The following PCED1B variants were observed in gnomAD, a reference collection of about 807,000 sequenced individuals.
The protein encoded by PCED1B is PC-esterase domain containing 1B.
For synonymous variants in PCED1B, 251 were observed against 246.1 expected (o/e 1.02, Z -0.19); for missense variants, 573 against 573.9 (o/e 1.00, Z 0.02).
intron 1 of PCED1B, among the ~76,000 whole-genome samples, chr12:47,083,346 G>A (rs1428242467): frequency 6.6e-6 from 1 of 151,840 alleles, no homozygotes; most frequent in Non-Finnish European, 1.5e-5. Flanking sequence ...TCTTTTTTCG[G>A]CGTGAGGCAC....
intron 2 of PCED1B, among the ~76,000 whole-genome samples, chr12:47,154,946 GTT>G (rs1941143170): frequency 6.6e-6 from 1 of 151,986 alleles, no homozygotes; most frequent in Non-Finnish European, 1.5e-5. Context: ...AGTATTTTTT[GTT>G]TTGTTTTGTT....
chr12:47,212,305 G>C (rs1943117328), intron 2 of PCED1B, among the ~76,000 whole-genome samples: 1 of 152,022 alleles, frequency 6.6e-6, no homozygotes, highest in Non-Finnish European at 1.5e-5. Context: ...AAAAAGGAGA[G>C]AGGACCGGAA....
chr12:47,183,730 C>T (rs973959693), intron 2 of PCED1B, among the ~76,000 whole-genome samples: 5 of 152,202 alleles, frequency 3.3e-5, no homozygotes, highest in Non-Finnish European at 5.9e-5. Context: ...TATTTTTGCT[C>T]AGCCATCTTA....
chr12:47,182,187 G>A (rs535287969), intron 2 of PCED1B, among the ~76,000 whole-genome samples: 2 of 152,278 alleles, frequency 1.3e-5, no homozygotes, highest in South Asian at 4.1e-4. Flanking sequence ...GGGTGCTAGA[G>A]GAACCAAATG....
At chr12:47,082,415 G>A (rs887536205) in intron 1 of PCED1B, among the ~76,000 whole-genome samples, 1 of 152,188 alleles carries the variant, frequency 6.6e-6, no homozygotes, top group Non-Finnish European at 1.5e-5. Flanking sequence ...AGAAAGAGGA[G>A]TCCTGTAAAT....
At chr12:47,188,739 G>C (rs1375200159) in intron 2 of PCED1B, among the ~76,000 whole-genome samples, 1 of 152,230 alleles carries the variant, frequency 6.6e-6, no homozygotes, top group East Asian at 1.9e-4. Flanking sequence ...TGCAGTGCTG[G>C]AGCAGAGGAG....
intron 2 of PCED1B, among the ~76,000 whole-genome samples, chr12:47,193,303 C>T (rs531373085): frequency 6.6e-6 from 1 of 152,280 alleles, no homozygotes; most frequent in Admixed American, 6.5e-5. Context: ...TGACCGTCCC[C>T]ACTTCCTATG....
intron 2 of PCED1B, among the ~76,000 whole-genome samples, chr12:47,201,750 A>C (rs569930506): frequency 1.2e-4 from 19 of 152,192 alleles, no homozygotes; most frequent in African/African-American, 4.3e-4. Context: ...AGGTGTGCAC[A>C]ACCACACAGA....
intron 2 of PCED1B, among the ~76,000 whole-genome samples, chr12:47,132,901 A>G (rs1003080922): frequency 6.6e-6 from 1 of 152,228 alleles, no homozygotes. Context: ...AAAGATTATC[A>G]TTCAAAATAC....
chr12:47,162,606 A>T (rs1941422498), intron 2 of PCED1B, among the ~76,000 whole-genome samples: 1 of 152,180 alleles, frequency 6.6e-6, no homozygotes, highest in South Asian at 2.1e-4. Flanking sequence ...TCATGATGGA[A>T]GGCAAAGAGG....
At chr12:47,212,660 G>A (rs1943130274) in intron 2 of PCED1B, among the ~76,000 whole-genome samples, 1 of 152,206 alleles carries the variant, frequency 6.6e-6, no homozygotes, top group Non-Finnish European at 1.5e-5. Context: ...CAAGGTACTT[G>A]TCAGTATTTA....
chr12:47,131,673 C>CTTTTTTTTTTTTTTTTTTTTT lies in PCED1B; in HGVS notation c.-526+27492_-526+27493insTTTTTTTTTTTTTTTTTTTTT, dbSNP rs760678015. ...CTGACACTATTGTCATGTTTTACTT[C>CTTTTTTTTTTTTTTTTTTTTT]TTTTTTTTTTTTTTGAGAAGGAGTC... On this transcript the variant is annotated intron_variant, in intron 2 of 3. Transcript: ENST00000546455. Among the ~76,000 whole-genome samples, 7 of 127,986 alleles carry CTTTTTTTTTTTTTTTTTTTTT rather than the reference C, an allele frequency of 5.5e-5. 1 individual carries two copies. The highest frequency in any genetic ancestry group is 2.3e-4 in the East Asian group (1 of 4,362). The allele number at this position is 127,986 out of a possible 152,430, so 84.0% of individuals were successfully genotyped here.
intron 2 of PCED1B, among the ~76,000 whole-genome samples, chr12:47,171,885 T>C (rs1941752128): frequency 6.7e-6 from 1 of 148,798 alleles, no homozygotes; most frequent in African/African-American, 2.6e-5. Flanking sequence ...TCTTTTCTTC[T>C]TCTTCTTCTT....
intron 2 of PCED1B, among the ~76,000 whole-genome samples, chr12:47,119,966 C>CATAATA (rs57171859): frequency 0.026 from 3,926 of 148,266 alleles, 61 homozygotes; most frequent in South Asian, 0.065. Context: ...ACTCTGTCTC[C>CATAATA]ATAATAATAA....
chr12:47,100,724 G>A (rs1018512052), intron 1 of PCED1B, among the ~76,000 whole-genome samples: 10 of 152,142 alleles, frequency 6.6e-5, no homozygotes. Flanking sequence ...AGACTGGATT[G>A]TGGTAATAAG....
chr12:47,162,439 T>C (rs1405831328), intron 2 of PCED1B, among the ~76,000 whole-genome samples: 1 of 152,084 alleles, frequency 6.6e-6, no homozygotes. Context: ...AGTTCTGCAG[T>C]GTGTACAAGA....
At chr12:47,170,597 T>G (rs1358046899) in intron 2 of PCED1B, among the ~76,000 whole-genome samples, 3 of 152,254 alleles carry the variant, frequency 2.0e-5, no homozygotes, top group Non-Finnish European at 4.4e-5. Flanking sequence ...CCACCTGGTA[T>G]TAATATGAAC....
At chr12:47,217,823 C>T (rs756156197) in intron 3 of PCED1B, among the ~76,000 whole-genome samples, 6 of 152,154 alleles carry the variant, frequency 3.9e-5, no homozygotes, top group Non-Finnish European at 8.8e-5. Context: ...GTGATCCGAC[C>T]GTCTTGGCCT....
Position 47,235,409 on chromosome 12 carries a change from C to T in PCED1B, c.346C>T (p.Pro116Ser). Residue 116 changes from proline to serine, a missense_variant, in exon 4 of 4, where the codon CCC becomes TCC. Pro to Ser is a moderately conservative substitution (Grantham distance 74, BLOSUM62 -1). Coordinates refer to ENST00000546455, the MANE Select transcript of PCED1B (RefSeq NM_138371.3). ...LKELQSGEHA[P>S]DLVIMNSCLW... ...AGAGCTGCAGTCGGGCGAGCACGCCCCCGACCTGGTCATCATGAATTCCTG... is the reference window on the plus strand; with the variant it reads ...AGAGCTGCAGTCGGGCGAGCACGCCTCCGACCTGGTCATCATGAATTCCTG... The T allele has an allele frequency of 6.2e-7, 1 of 1,614,186 alleles. No individual in the cohort carries two copies. Among genetic ancestry groups the T allele is most frequent in the Non-Finnish European group, 8.5e-7 (1 of 1,180,042 alleles).
Sources: allele counts gnomAD v4.1 joint callset (sites outside exome capture counted in the v4.1 genomes callset), GRCh38; gene constraint gnomAD v4.1.1; transcripts MANE v1.5; gene names NCBI Gene and HGNC (gene_info 2026-07-23, HGNC 2026-07-21).